The following ARK2N variants were observed in gnomAD, a reference collection of about 807,000 sequenced individuals.
ARK2N encodes the protein protein ARK2N.
At chr18:46,215,480 A>G in the ARK2N span, among the ~76,000 whole-genome samples, 1 of 152,220 alleles carries the variant, frequency 6.6e-6, no homozygotes, top group East Asian at 1.9e-4. Context: ...TATCAAAGTC[A>G]ATGAATGCAT....
chr18:46,253,148 G>A, the ARK2N span, among the ~76,000 whole-genome samples: 7 of 152,258 alleles, frequency 4.6e-5, no homozygotes, highest in South Asian at 1.5e-3. Context: ...CTTTAGAGAG[G>A]ACATGTGCTA....
At chr18:46,203,992 A>G in the ARK2N span, among the ~76,000 whole-genome samples, 1 of 152,002 alleles carries the variant, frequency 6.6e-6, no homozygotes, top group Admixed American at 6.6e-5. Flanking sequence ...GTGGGCATAG[A>G]TTGAGTTTTT....
the ARK2N span, chr18:46,216,248 CG>C: frequency 6.2e-7 from 1 of 1,613,724 alleles, no homozygotes; most frequent in Non-Finnish European, 8.5e-7. This position sits in a 1 kb window ranked among gnomAD's most constrained non-coding sequence, Gnocchi z 4.3. Flanking sequence ...GCAGAAACGG[CG>C]GTAGAAGGAG....
the ARK2N span, among the ~76,000 whole-genome samples, chr18:46,199,075 A>C: frequency 5.3e-5 from 8 of 152,224 alleles, no homozygotes; most frequent in Admixed American, 3.9e-4. Context: ...GCAAATGAGC[A>C]CGCAAAGATT....
At chr18:46,253,304 C>T in the ARK2N span, among the ~76,000 whole-genome samples, 30 of 152,026 alleles carry the variant, frequency 2.0e-4, no homozygotes, top group South Asian at 1.5e-3. Flanking sequence ...TAGGTGGTTA[C>T]GCAGGTCGTT....
chr18:46,179,665 G>T, the ARK2N span, among the ~76,000 whole-genome samples: 2 of 140,066 alleles, frequency 1.4e-5, no homozygotes, highest in African/African-American at 5.4e-5. Context: ...CGCTCTTGTT[G>T]CCCAGGCTGG....
chr18:46,237,649 A>C, the ARK2N span, among the ~76,000 whole-genome samples: 1 of 152,162 alleles, frequency 6.6e-6, no homozygotes, highest in South Asian at 2.1e-4. Context: ...TTGGCCTCTT[A>C]AGTACTTGGA....
the ARK2N span, chr18:46,228,700 C>T: frequency 2.5e-6 from 1 of 397,366 alleles, no homozygotes; most frequent in Non-Finnish European, 4.4e-6. Flanking sequence ...ATCCTCCCGC[C>T]TCAGCCTCCC....
the ARK2N span, among the ~76,000 whole-genome samples, chr18:46,226,044 T>C: frequency 6.6e-6 from 1 of 152,230 alleles, no homozygotes; most frequent in Non-Finnish European, 1.5e-5. Context: ...TGTTGACTTC[T>C]GCTTCTAATT....
At chr18:46,254,619 A>G in the ARK2N span, among the ~76,000 whole-genome samples, 2 of 152,224 alleles carry the variant, frequency 1.3e-5, no homozygotes, top group African/African-American at 4.8e-5. Flanking sequence ...TAGTCTATAA[A>G]TAAAGTTTTA....
the ARK2N span, among the ~76,000 whole-genome samples, chr18:46,262,164 T>C: frequency 6.6e-6 from 1 of 152,202 alleles, no homozygotes; most frequent in South Asian, 2.1e-4. Flanking sequence ...GCCTGGAGGT[T>C]CACAATTCTA....
At chr18:46,262,826 T>A in the ARK2N span, 1 of 1,198,468 alleles carries the variant, frequency 8.3e-7, no homozygotes, top group African/African-American at 1.5e-5. Context: ...GCATACTAGG[T>A]TTATCTTAGT....
At chr18:46,206,396 T>G in the ARK2N span, among the ~76,000 whole-genome samples, 1 of 152,126 alleles carries the variant, frequency 6.6e-6, no homozygotes, top group Non-Finnish European at 1.5e-5. Context: ...ACCACCAAAC[T>G]TTTTACTCTT....
At chr18:46,186,647 G>T in the ARK2N span, among the ~76,000 whole-genome samples, 16 of 151,500 alleles carry the variant, frequency 1.1e-4, no homozygotes, top group Middle Eastern at 6.8e-3. Context: ...TGAGACTACA[G>T]GCGCCCGCCA....
chr18:46,258,312 G>C, the ARK2N span, among the ~76,000 whole-genome samples: 1 of 152,170 alleles, frequency 6.6e-6, no homozygotes, highest in South Asian at 2.1e-4. Flanking sequence ...TCTTCAGTTA[G>C]GAAAAAGAAG....
the ARK2N span, among the ~76,000 whole-genome samples, chr18:46,255,448 T>TGC: frequency 2.6e-4 from 3 of 11,492 alleles, no homozygotes; most frequent in African/African-American, 4.2e-4. Flanking sequence ...TTCTTTTCTT[T>TGC]TTTTTTTTTT....
At chr18:46,190,478 A>G in the ARK2N span, among the ~76,000 whole-genome samples, 1 of 140,870 alleles carries the variant, frequency 7.1e-6, no homozygotes, top group African/African-American at 2.6e-5. Flanking sequence ...ACAAGAGCGA[A>G]ACTCTGTCCC....
At chr18:46,252,419 G>C in the ARK2N span, among the ~76,000 whole-genome samples, 3 of 151,864 alleles carry the variant, frequency 2.0e-5, no homozygotes, top group Non-Finnish European at 4.4e-5. Context: ...TGGGACTACA[G>C]GCATGCCACC....
the ARK2N span, among the ~76,000 whole-genome samples, chr18:46,177,628 A>G: frequency 6.6e-6 from 1 of 151,618 alleles, no homozygotes; most frequent in Non-Finnish European, 1.5e-5. Flanking sequence ...TGGTTTCACC[A>G]TGTTGGCCAG....
Sources: allele counts gnomAD v4.1 joint callset (sites outside exome capture counted in the v4.1 genomes callset), GRCh38; gene constraint gnomAD v4.1.1; non-coding constraint Gnocchi (gnomAD v3.1); transcripts MANE v1.5; gene names NCBI Gene and HGNC (gene_info 2026-07-23, HGNC 2026-07-21).